The following MCPH1 variants were observed in gnomAD, a reference collection of about 807,000 sequenced individuals.
The protein encoded by MCPH1 is microcephalin 1, also known as microcephalin.
A neutral mutation model predicts 84.5 loss-of-function variants in MCPH1; 104 were observed. The ratio of observed to expected loss-of-function variants is 1.23; its 90% CI spans 1.05 to 1.45. MCPH1 has a LOEUF of 1.45. MCPH1 is among the 40% of genes most tolerant of loss of function. The probability of loss-of-function intolerance (pLI) is 0.00; values close to 1 mark genes in which losing one functional copy is unlikely to be tolerated. For synonymous variants in MCPH1, 514 were observed against 366.8 expected (o/e 1.40, Z -4.58); for missense variants, 1,498 against 1,005.7 (o/e 1.49, Z -6.62).
At chr8:6,641,646 A>C (rs1481451003) in intron 13 of MCPH1, among the ~76,000 whole-genome samples, 1 of 152,172 alleles carries the variant, frequency 6.6e-6, no homozygotes, top group African/African-American at 2.4e-5. Flanking sequence ...TGGGAAGCTG[A>C]GTCTGGAGGA....
chr8:6,528,148 C>T (rs531646939), intron 12 of MCPH1, among the ~76,000 whole-genome samples: 6 of 152,248 alleles, frequency 3.9e-5, no homozygotes, highest in South Asian at 4.1e-4. Context: ...TCACCTGCCT[C>T]GGCCTCCCAT....
chr8:6,544,607 A>G (rs578071609), intron 12 of MCPH1, among the ~76,000 whole-genome samples: 1 of 152,288 alleles, frequency 6.6e-6, no homozygotes, highest in African/African-American at 2.4e-5. Context: ...AGGGTTGAGT[A>G]AGAACCGACA....
In MCPH1 at chr8:6,527,042, A is replaced by G. The variant is rs567435043; in HGVS notation, c.2214+27113A>G. 8.5e-5 allele frequency among the ~76,000 whole-genome samples: 13 copies of G among 152,384 alleles called. No individual in the cohort carries two copies. The South Asian group carries it at 1.0e-3, about 12-fold the overall frequency. Reference sequence around the variant, plus strand: ...ACAGTATAAGTGTAGCTTTCATACTATAGACCATTCTGCGTTGAGTGAAGC... The same window carrying G: ...ACAGTATAAGTGTAGCTTTCATACTGTAGACCATTCTGCGTTGAGTGAAGC... On this transcript the variant is annotated intron_variant, in intron 12 of 13. Transcript: ENST00000344683.
intron 12 of MCPH1, among the ~76,000 whole-genome samples, chr8:6,555,740 G>A (rs1824496366): frequency 1.3e-5 from 2 of 152,296 alleles, no homozygotes; most frequent in African/African-American, 4.8e-5. Context: ...TGCGATTACA[G>A]GCATGAGCCA....
intron 12 of MCPH1, among the ~76,000 whole-genome samples, chr8:6,559,391 G>C (rs540480097): frequency 6.6e-6 from 1 of 152,090 alleles, no homozygotes; most frequent in African/African-American, 2.4e-5. Flanking sequence ...GCATTCATTC[G>C]TGAGTAGTAG....
chr8:6,471,533 G>C (rs1170312515), intron 9 of MCPH1, among the ~76,000 whole-genome samples: 1 of 152,170 alleles, frequency 6.6e-6, no homozygotes, highest in Admixed American at 6.5e-5. Context: ...AGAGGGAGAA[G>C]AGAAAGGGTT....
In MCPH1 at chr8:6,555,688, C is replaced by T. The variant is rs150632455; in HGVS notation, c.2214+55759C>T. ...GTGTTGGCCAGGCTGGTTTTGAACT[C>T]CTGAGCTCAAGCGACCCACCCGCTT... On this transcript the variant is annotated intron_variant, in intron 12 of 13. Transcript: ENST00000344683. Among the ~76,000 whole-genome samples, 7 of 152,138 alleles carry T rather than the reference C, an allele frequency of 4.6e-5. No homozygotes were observed. The East Asian group carries it at 1.4e-3, about 29-fold the overall frequency.
At chr8:6,442,491 C>T (rs935199541) in intron 7 of MCPH1, among the ~76,000 whole-genome samples, 27 of 152,132 alleles carry the variant, frequency 1.8e-4, no homozygotes, top group Admixed American at 7.9e-4. Flanking sequence ...TGTTGTTTCA[C>T]ACAATGTATA....
At chr8:6,551,161 T>C (rs4840457) in intron 12 of MCPH1, among the ~76,000 whole-genome samples, 14,126 of 152,212 alleles carry the variant, frequency 0.093, 708 homozygotes, top group South Asian at 0.15. Context: ...CTTAGGATTT[T>C]AAATCACTTA....
chr8:6,562,552 C>CTTGTTTTTTTTTTTTTTT (rs1825700604), intron 12 of MCPH1: 1 of 71,748 alleles, frequency 1.4e-5, no homozygotes, highest in Non-Finnish European at 2.6e-5. Flanking sequence ...CATCCTCCTT[C>CTTGTTTTTTTTTTTTTTT]TTTTTTTTTT....
At chr8:6,617,970 C>T (rs1424708246) in intron 12 of MCPH1, among the ~76,000 whole-genome samples, 2 of 129,604 alleles carry the variant, frequency 1.5e-5, no homozygotes, top group Non-Finnish European at 3.4e-5. Flanking sequence ...TGGGGTCTGC[C>T]TATGTTGCCC....
At chr8:6,463,024 T>C (rs1806456345) in intron 9 of MCPH1, among the ~76,000 whole-genome samples, 1 of 152,202 alleles carries the variant, frequency 6.6e-6, no homozygotes, top group African/African-American at 2.4e-5. Flanking sequence ...CCACACTGTG[T>C]TTCTTGTTGG....
At chr8:6,413,867 G>A (rs1281953423) in intron 2 of MCPH1, among the ~76,000 whole-genome samples, 1 of 151,404 alleles carries the variant, frequency 6.6e-6, no homozygotes, top group Non-Finnish European at 1.5e-5. Flanking sequence ...TGATTCTCCT[G>A]CCTCAGCCTC....
intron 9 of MCPH1, among the ~76,000 whole-genome samples, chr8:6,464,423 C>T (rs1806626296): frequency 6.6e-6 from 1 of 152,174 alleles, no homozygotes; most frequent in African/African-American, 2.4e-5. Context: ...AATATTTCTA[C>T]AGAAAACATT....
intron 8 of MCPH1, among the ~76,000 whole-genome samples, chr8:6,450,748 T>C (rs544428327): frequency 1.3e-5 from 2 of 152,130 alleles, no homozygotes; most frequent in South Asian, 2.1e-4. Context: ...GGGTTTTTTG[T>C]TGTTGTTGTT....
intron 8 of MCPH1, among the ~76,000 whole-genome samples, chr8:6,452,314 T>C (rs1287103208): frequency 2.0e-5 from 3 of 152,240 alleles, no homozygotes; most frequent in Non-Finnish European, 4.4e-5. Context: ...CTAGCTTTCA[T>C]TGATGTGTTT....
intron 12 of MCPH1, among the ~76,000 whole-genome samples, chr8:6,584,045 A>G (rs1481740488): frequency 1.3e-5 from 2 of 152,128 alleles, no homozygotes; most frequent in Non-Finnish European, 2.9e-5. Flanking sequence ...AACATTTGCC[A>G]TCTACAGCAC....
intron 12 of MCPH1, among the ~76,000 whole-genome samples, chr8:6,505,955 ATATAAAAACATACATATTCTTTG>A (rs1813614152): frequency 4.2e-4 from 1 of 2,396 alleles, no homozygotes; most frequent in African/African-American, 5.4e-4. Flanking sequence ...ATATATGTAT[ATATAAAAACATACATATTCTTTG>A]TATATATAAA....
intron 12 of MCPH1, among the ~76,000 whole-genome samples, chr8:6,549,447 G>T (rs537293780): frequency 6.6e-6 from 1 of 152,344 alleles, no homozygotes; most frequent in East Asian, 1.9e-4. Flanking sequence ...TTGAGAAGAG[G>T]GGGATATTGA....
Sources: gnomAD v4.1 joint callset for allele counts (sites outside exome capture counted in the v4.1 genomes callset) on GRCh38, gnomAD v4.1.1 for gene constraint, MANE v1.5 for transcripts, NCBI Gene and HGNC (gene_info 2026-07-23, HGNC 2026-07-21) for gene names.